TRIM9: variants seen among roughly 807,000 people sequenced by gnomAD.
TRIM9 encodes E3 ubiquitin-protein ligase TRIM9.
A neutral mutation model predicts 78.3 loss-of-function variants in TRIM9; 26 were observed. That is an observed-to-expected ratio of 0.33 (90% CI 0.24 to 0.46). The LOEUF is 0.46. Ranked by LOEUF, TRIM9 falls within the 20% of genes least tolerant of loss-of-function variation. The probability of loss-of-function intolerance (pLI) is 1.00; values close to 1 mark genes in which losing one functional copy is unlikely to be tolerated. For synonymous variants in TRIM9, 398 were observed against 416.5 expected (o/e 0.96, Z 0.54); for missense variants, 787 against 1,036.4 (o/e 0.76, Z 3.30).
chr14:50,982,896 C>A (rs1238246419), intron 10 of TRIM9, 46 bp downstream of exon 10: 4 of 1,520,124 alleles, frequency 2.6e-6, no homozygotes, highest in Middle Eastern at 3.4e-4. Context: ...ACCTCACATG[C>A]ACTTTGGTCT....
At chr14:51,070,890 G>A (rs2062165058) in intron 1 of TRIM9, among the ~76,000 whole-genome samples, 3 of 152,030 alleles carry the variant, frequency 2.0e-5, no homozygotes, top group South Asian at 2.1e-4. Flanking sequence ...ATTCCTAGAC[G>A]TTTTCTTTCT....
At chr14:50,979,714 T>C (rs986624208) in intron 11 of TRIM9, among the ~76,000 whole-genome samples, 165 bp from the exon 12 acceptor site, 1 of 152,208 alleles carries the variant, frequency 6.6e-6, no homozygotes, top group Non-Finnish European at 1.5e-5. Context: ...ACCGCAGATA[T>C]ACTGTATACC....
At chr14:51,020,776 A>G (rs2057683558) in intron 3 of TRIM9, among the ~76,000 whole-genome samples, 1 of 152,212 alleles carries the variant, frequency 6.6e-6, no homozygotes, top group African/African-American at 2.4e-5. Flanking sequence ...CCATTCTTTG[A>G]TAGGGATAAA....
chr14:50,981,750 C>T (rs1474782064), intron 11 of TRIM9, 50 bp downstream of exon 11: 3 of 1,607,174 alleles, frequency 1.9e-6, no homozygotes, highest in Non-Finnish European at 8.5e-7. Flanking sequence ...GCTCTCACTC[C>T]TGATCAGAAG....
Position 50,982,186 on chromosome 14 carries a change from G to A in TRIM9, c.1859-83C>T, listed in dbSNP as rs72685401. Reference sequence around the variant, plus strand: ...TAACATACTCCTGGGCGGGTGAGGAGCGTTGTGTAGCGTTTTCATGCTGCC... The same window carrying A: ...TAACATACTCCTGGGCGGGTGAGGAACGTTGTGTAGCGTTTTCATGCTGCC... On this transcript the variant is annotated intron_variant, in intron 10 of 12. Transcript: ENST00000684578. The A allele has an allele frequency of 1.5e-3, 2,254 of 1,486,310 alleles. 7 individuals are homozygous for A. The highest frequency in any genetic ancestry group is 1.9e-3 in the Non-Finnish European group (2,086 of 1,096,190). 92.1% of individuals were successfully genotyped at this position (1,486,310 alleles called of 1,614,324 possible).
Position 50,981,944 on chromosome 14 carries a change from T to C in TRIM9, c.2018A>G (p.Tyr673Cys), listed in dbSNP as rs1323242109. The change falls in exon 11 of 13, where the codon TAT (tyrosine) becomes TGT (cysteine). Residue 673 changes from tyrosine (Y) to cysteine (C), a missense_variant. Coordinates refer to ENST00000684578, the MANE Select transcript of TRIM9 (RefSeq NM_001387360.1). ...AAAGGCAGGATCAGGGTGGTTGTCA[T>C]AGCGATCTACCGTGAGCTCCCAGTA... The part of the protein sequence containing the change: ...IHYWELTVDR[Y>C]DNHPDPAFGV... 8 of 1,614,042 alleles carry C rather than the reference T, an allele frequency of 5.0e-6. No homozygotes were observed. Among genetic ancestry groups the C allele is most frequent in the South Asian group, 3.3e-5 (3 of 91,086 alleles).
chr14:51,065,490 C>A (rs2061659451), intron 1 of TRIM9, among the ~76,000 whole-genome samples: 1 of 152,152 alleles, frequency 6.6e-6, no homozygotes, highest in Non-Finnish European at 1.5e-5. Context: ...ACATGGAACA[C>A]AAAGTCAAGG....
At chr14:50,983,311 T>C in intron 9 of TRIM9, 69 bp downstream of exon 9, 1 of 1,317,596 alleles carries the variant, frequency 7.6e-7, no homozygotes, top group Non-Finnish European at 1.0e-6. Context: ...GTTGCCGCCA[T>C]TTATTTTGTG....
At chr14:50,998,295 A>T (rs765079878) in intron 6 of TRIM9, 107 bp from the exon 7 acceptor site, 5 of 1,091,678 alleles carry the variant, frequency 4.6e-6, no homozygotes, top group Non-Finnish European at 6.7e-6. Context: ...TGTCATTCTA[A>T]TCTGGATTTG....
intron 7 of TRIM9, among the ~76,000 whole-genome samples, chr14:50,989,743 G>T (rs1436326685): frequency 6.6e-6 from 1 of 152,132 alleles, no homozygotes; most frequent in Non-Finnish European, 1.5e-5. Flanking sequence ...ACTCTAGGAC[G>T]GGACTGTGTT....
chr14:50,994,966 C>A (rs1359267250), intron 7 of TRIM9, among the ~76,000 whole-genome samples: 5 of 152,176 alleles, frequency 3.3e-5, no homozygotes, highest in Non-Finnish European at 5.9e-5. Flanking sequence ...ACTTTGCTTT[C>A]AGAGAACTAT....
intron 12 of TRIM9, chr14:50,978,989 T>C (rs1448965585): frequency 8.6e-7 from 1 of 1,164,572 alleles, no homozygotes; most frequent in Non-Finnish European, 1.1e-6. Context: ...CTGATAATGA[T>C]ACTAATGCTT....
chr14:51,019,841 C>A (rs1465183208), intron 3 of TRIM9, among the ~76,000 whole-genome samples: 2 of 152,122 alleles, frequency 1.3e-5, no homozygotes, highest in African/African-American at 4.8e-5. Flanking sequence ...GTCCTCTCAC[C>A]CCAGCCTCTA....
At chr14:50,983,462 C>T (rs187019906) in intron 8 of TRIM9, 41 bp from the exon 9 acceptor site, 2 of 1,484,504 alleles carry the variant, frequency 1.3e-6, no homozygotes, top group Non-Finnish European at 1.8e-6. Context: ...GAAACAACAA[C>T]CAGGTTGATA....
At chr14:51,025,557 G>C (rs1410477064) in intron 1 of TRIM9, among the ~76,000 whole-genome samples, 197 bp from the exon 2 acceptor site, 1 of 152,172 alleles carries the variant, frequency 6.6e-6, no homozygotes, top group African/African-American at 2.4e-5. Flanking sequence ...CTTGGAAGCA[G>C]TGAACACTTC....
intron 1 of TRIM9, among the ~76,000 whole-genome samples, chr14:51,027,210 C>CT (rs1428320547): frequency 1.7e-4 from 23 of 133,400 alleles, no homozygotes; most frequent in African/African-American, 6.3e-4. Context: ...ATGGTGTGAT[C>CT]TTGGCTCACT....
chr14:51,020,936 G>A (rs369192084), intron 3 of TRIM9, among the ~76,000 whole-genome samples: 238 of 152,276 alleles, frequency 1.6e-3, no homozygotes, highest in African/African-American at 5.5e-3. Context: ...GGAAGTGTTC[G>A]CAATGTTTCA....
At chr14:51,054,660 GCCTC>G (rs1024170712) in intron 1 of TRIM9, among the ~76,000 whole-genome samples, 3 of 151,986 alleles carry the variant, frequency 2.0e-5, no homozygotes, top group Admixed American at 1.3e-4. Context: ...TGCAAGCTCC[GCCTC>G]CCGGGTTCAA....
intron 5 of TRIM9, among the ~76,000 whole-genome samples, chr14:51,007,341 ATT>A (rs2055947349): frequency 6.6e-6 from 1 of 152,186 alleles, no homozygotes; most frequent in African/African-American, 2.4e-5. Flanking sequence ...GGATGGGTTT[ATT>A]TTACAGGCTA....
Sources: allele counts gnomAD v4.1 joint callset (sites outside exome capture counted in the v4.1 genomes callset), GRCh38; gene constraint gnomAD v4.1.1; transcripts MANE v1.5; gene names NCBI Gene and HGNC (gene_info 2026-07-23, HGNC 2026-07-21).